Variants in CCDC178 observed in about 807,000 individuals in gnomAD.
CCDC178 encodes the protein coiled-coil domain containing 178, also known as coiled-coil domain-containing protein 178.
In CCDC178, 126 loss-of-function variants were observed where a neutral mutation model predicts 117.4. That is an observed-to-expected ratio of 1.07 (90% CI 0.93 to 1.24). CCDC178 has a LOEUF of 1.24. Ranked by LOEUF, CCDC178 falls within the 50% of genes most tolerant of loss-of-function variation. CCDC178 has a pLI of 0.00. For missense variants in CCDC178, 1,030 were observed against 986.9 expected, an observed-to-expected ratio of 1.04 and a Z score of -0.59; for synonymous variants, 283 against 313.4, an observed-to-expected ratio of 0.90 and a Z score of 1.02.
At chr18:33,060,443 A>G (rs1359937330) in intron 21 of CCDC178, among the ~76,000 whole-genome samples, 1 of 152,150 alleles carries the variant, frequency 6.6e-6, no homozygotes, top group African/African-American at 2.4e-5. Context: ...ATTGCCAAGC[A>G]GATGCCCAGT....
At chr18:33,120,545 A>G (rs2057923420) in intron 20 of CCDC178, among the ~76,000 whole-genome samples, 1 of 152,178 alleles carries the variant, frequency 6.6e-6, no homozygotes, top group Non-Finnish European at 1.5e-5. Context: ...TGTTATGTCC[A>G]CTGAAATAAA....
chr18:33,417,584 G>T (rs1009593527), intron 2 of CCDC178, among the ~76,000 whole-genome samples: 1 of 151,280 alleles, frequency 6.6e-6, no homozygotes. Flanking sequence ...AAGTATTACC[G>T]CTGAAATCTG....
At chr18:33,208,821 T>C (rs567571895) in intron 20 of CCDC178, among the ~76,000 whole-genome samples, 24 of 152,046 alleles carry the variant, frequency 1.6e-4, no homozygotes, top group Non-Finnish European at 3.1e-4. Flanking sequence ...AGGTATTTCC[T>C]GAGAGTAGAA....
intron 22 of CCDC178, among the ~76,000 whole-genome samples, chr18:32,974,344 C>A (rs1466867785): frequency 1.3e-5 from 2 of 152,060 alleles, no homozygotes; most frequent in African/African-American, 2.4e-5. Context: ...AGAAATAAGT[C>A]CAATCTCCCT....
chr18:33,068,759 C>A (rs2057061074), intron 21 of CCDC178, among the ~76,000 whole-genome samples: 1 of 152,112 alleles, frequency 6.6e-6, no homozygotes, highest in African/African-American at 2.4e-5. Flanking sequence ...AGAATGAGAG[C>A]AAGACAAGCA....
chr18:33,402,024 A>G lies in CCDC178; in HGVS notation c.59-4816T>C, dbSNP rs1178597868. The stretch of plus-strand genomic sequence containing the variant: ...ATTAATATGTTGTGGTAATACTGAT[A>G]AACAGTTGAATGTGAGGTACATTTG... On this transcript the variant is annotated intron_variant, in intron 3 of 22. Coordinates refer to ENST00000383096, the MANE Select transcript of CCDC178 (RefSeq NM_001105528.4). Among the ~76,000 whole-genome samples, 3 of 152,184 alleles carry G rather than the reference A, an allele frequency of 2.0e-5. No individual in the cohort carries two copies. In the East Asian group the frequency reaches 5.8e-4, roughly 29 times the overall value.
chr18:33,402,086 A>G (rs2063716359), intron 3 of CCDC178, among the ~76,000 whole-genome samples: 1 of 152,220 alleles, frequency 6.6e-6, no homozygotes, highest in Admixed American at 6.5e-5. Flanking sequence ...AAGGCCACAC[A>G]AATGTTCACA....
chr18:33,223,269 C>T (rs780917336), intron 17 of CCDC178, 50 bp from the exon 18 acceptor site: 2 of 1,519,364 alleles, frequency 1.3e-6, no homozygotes, highest in Admixed American at 2.2e-5. Flanking sequence ...ACCCAGTTAT[C>T]CTCATTTAGG....
chr18:33,043,287 GACATTAT>G (rs1299789570), intron 21 of CCDC178, among the ~76,000 whole-genome samples: 1 of 152,038 alleles, frequency 6.6e-6, no homozygotes, highest in Non-Finnish European at 1.5e-5. Flanking sequence ...CTGTCATATT[GACATTAT>G]ACAGAGACTA....
At chr18:33,231,379 G>C (rs1000534547) in intron 15 of CCDC178, among the ~76,000 whole-genome samples, 19 of 152,088 alleles carry the variant, frequency 1.2e-4, no homozygotes, top group African/African-American at 4.3e-4. Flanking sequence ...AAGATTAAAA[G>C]AGACTCAAAA....
intron 20 of CCDC178, among the ~76,000 whole-genome samples, chr18:33,179,180 G>A (rs1213156629): frequency 7.8e-6 from 1 of 127,934 alleles, no homozygotes; most frequent in Non-Finnish European, 1.6e-5. Flanking sequence ...TAGTTTTAAG[G>A]AGCATATAGT....
At chr18:33,001,032 A>C (rs1387300738) in intron 21 of CCDC178, among the ~76,000 whole-genome samples, 6 of 152,234 alleles carry the variant, frequency 3.9e-5, no homozygotes, top group Non-Finnish European at 8.8e-5. Context: ...ACAGCATAAT[A>C]AGATATAAAT....
chr18:33,103,574 G>A (rs768872542), intron 20 of CCDC178, among the ~76,000 whole-genome samples: 5 of 148,986 alleles, frequency 3.4e-5, no homozygotes, highest in African/African-American at 9.9e-5. Context: ...AAATTATCTC[G>A]AAGTCCTTAA....
chr18:33,058,544 G>C (rs1327578438), intron 21 of CCDC178, among the ~76,000 whole-genome samples: 1 of 152,102 alleles, frequency 6.6e-6, no homozygotes, highest in Non-Finnish European at 1.5e-5. Flanking sequence ...AATGGAAATG[G>C]GAAAGGCACA....
At chr18:32,968,818 C>T (rs2054869476) in intron 22 of CCDC178, among the ~76,000 whole-genome samples, 1 of 152,006 alleles carries the variant, frequency 6.6e-6, no homozygotes, top group African/African-American at 2.4e-5. Flanking sequence ...AAAGATCACA[C>T]AGAATCAGAG....
chr18:33,397,242 C>T, intron 3 of CCDC178, 34 bp from the exon 4 acceptor site: 3 of 1,416,708 alleles, frequency 2.1e-6, no homozygotes, highest in Middle Eastern at 1.8e-4. Flanking sequence ...AATAAAATAT[C>T]TGCTTCCTGA....
chr18:32,985,621 T>C lies in CCDC178; in HGVS notation c.2389-10940A>G, dbSNP rs9961473. 1.8e-3 allele frequency among the ~76,000 whole-genome samples: 274 copies of C among 152,162 alleles called. 4 individuals carry two copies. The highest frequency in any genetic ancestry group is 6.3e-3 in the African/African-American group (262 of 41,566). On this transcript the variant is annotated intron_variant, in intron 21 of 22. Coordinates refer to ENST00000383096, the MANE Select transcript of CCDC178 (RefSeq NM_001105528.4). The stretch of plus-strand genomic sequence containing the variant: ...GAATATATTTATAATAAAACAATGC[T>C]TTTTCTACATTAGTTACTAATACCA...
intron 12 of CCDC178, among the ~76,000 whole-genome samples, chr18:33,275,106 G>GA: frequency 6.6e-6 from 1 of 151,784 alleles, no homozygotes; most frequent in East Asian, 1.9e-4. Flanking sequence ...TGGCTAATAA[G>GA]AAAAAAATGT....
rs538220196 is a variant in CCDC178 at position 33,412,594 on chromosome 18, A to G, written c.-22-484T>C. Among the ~76,000 whole-genome samples, 13 of 152,226 alleles carry G rather than the reference A, an allele frequency of 8.5e-5. 1 individual carries two copies. The highest frequency in any genetic ancestry group is 6.2e-4 in the South Asian group (3 of 4,828). On this transcript the variant is annotated intron_variant, in intron 2 of 22. Transcript: ENST00000383096. ...TTCAACAATTATCAATTTGTGACCA[A>G]TTCTGAATTCTATACACCTACAAAC...
Sources: allele counts gnomAD v4.1 joint callset (sites outside exome capture counted in the v4.1 genomes callset), GRCh38; gene constraint gnomAD v4.1.1; transcripts MANE v1.5; gene names NCBI Gene and HGNC (gene_info 2026-07-23, HGNC 2026-07-21).